ANXA2: variants seen among roughly 807,000 people sequenced by gnomAD.
ANXA2 encodes annexin II.
Under a neutral mutation model 47.3 loss-of-function variants are expected in ANXA2, and 28 were observed. The ratio of observed to expected loss-of-function variants is 0.59; its 90% confidence interval spans 0.44 to 0.81. The LOEUF (loss-of-function observed/expected upper bound fraction) is 0.81. Ranked by LOEUF, ANXA2 falls within the 40% of genes least tolerant of loss-of-function variation. The pLI is 0.00. For missense variants in ANXA2, 384 were observed against 414.3 expected (o/e 0.93, Z 0.64); for synonymous variants, 172 against 155.5 (o/e 1.11, Z -0.79).
At chr15:60,370,354 T>A (rs1472110907) in intron 3 of ANXA2, among the ~76,000 whole-genome samples, 2 of 152,300 alleles carry the variant, frequency 1.3e-5, no homozygotes, top group East Asian at 1.9e-4. Flanking sequence ...ATGTTTCAAA[T>A]TGAACTGGAA....
At chr15:60,354,236 T>A in intron 7 of ANXA2, 23 bp from the exon 8 acceptor site, 3 of 1,576,464 alleles carry the variant, frequency 1.9e-6, no homozygotes, top group Non-Finnish European at 2.6e-6. Context: ...GAAAAAGAAC[T>A]TCAAATACAT....
At chr15:60,393,596 A>G (rs1197658278) in intron 1 of ANXA2, 36 of 985,278 alleles carry the variant, frequency 3.7e-5, no homozygotes, top group Non-Finnish European at 4.2e-5. Context: ...CACGCTCAGC[A>G]CTTTCTAAGT....
At chr15:60,357,897 CTTA>C (rs1006504479) in intron 5 of ANXA2, among the ~76,000 whole-genome samples, 1 of 151,938 alleles carries the variant, frequency 6.6e-6, no homozygotes, top group Non-Finnish European at 1.5e-5. Flanking sequence ...GTAACTTTTT[CTTA>C]TTATTATTTT....
At chr15:60,364,233 G>A (rs1428921926) in intron 4 of ANXA2, among the ~76,000 whole-genome samples, 196 bp downstream of exon 4, 1 of 152,218 alleles carries the variant, frequency 6.6e-6, no homozygotes, top group Non-Finnish European at 1.5e-5. Context: ...GATGACCTGA[G>A]GTGCACGCGC....
Position 60,387,929 on chromosome 15 carries a change from C to G in ANXA2, c.-11-1843G>C, listed in dbSNP as rs1186398945. Among the ~76,000 whole-genome samples, 13 of 152,160 alleles carry G rather than the reference C, an allele frequency of 8.5e-5. 1 individual carries two copies. Among genetic ancestry groups the G allele is most frequent in the Admixed American group, 8.5e-4 (13 of 15,268 alleles). On this transcript the variant is annotated intron_variant, in intron 1 of 12. Transcript: ENST00000451270. Reference sequence around the variant, plus strand: ...AATCGGCCGGGTGCGGTGGCTCACACCTGTAATCCCAGCACTGTGGGAGGC... The same window carrying G: ...AATCGGCCGGGTGCGGTGGCTCACAGCTGTAATCCCAGCACTGTGGGAGGC...
intron 7 of ANXA2, among the ~76,000 whole-genome samples, chr15:60,354,709 TG>T (rs2062400407): frequency 6.6e-6 from 1 of 150,722 alleles, no homozygotes; most frequent in Admixed American, 6.6e-5. Flanking sequence ...AGCAAGGAAG[TG>T]GGGGCTGTGC....
At chr15:60,354,706 A>T (rs1199243998) in intron 7 of ANXA2, among the ~76,000 whole-genome samples, 2 of 152,002 alleles carry the variant, frequency 1.3e-5, no homozygotes, top group Non-Finnish European at 2.9e-5. Flanking sequence ...TTGAGCAAGG[A>T]AGTGGGGGCT....
At chr15:60,351,686 G>T (rs761751271) in intron 10 of ANXA2, 38 bp downstream of exon 10, 2 of 1,351,012 alleles carry the variant, frequency 1.5e-6, no homozygotes, top group South Asian at 2.3e-5. Context: ...TGCTCTGGTA[G>T]CTGATGTCTA....
At chr15:60,366,509 G>C (rs1021443629) in intron 3 of ANXA2, among the ~76,000 whole-genome samples, 1 of 151,852 alleles carries the variant, frequency 6.6e-6, no homozygotes, top group South Asian at 2.1e-4. Flanking sequence ...CCCTGTCTGG[G>C]AGATGAGGAG....
rs74386119 is a variant in ANXA2, at chr15:60,349,511, T to A, written c.838-314A>T. 3.1e-4 allele frequency among the ~76,000 whole-genome samples: 47 copies of A among 152,260 alleles called. No individual in the cohort carries two copies. In the East Asian group the frequency reaches 8.5e-3, roughly 28 times the overall value. On this transcript the variant is annotated intron_variant, in intron 11 of 12. Transcript: ENST00000451270. ...TCCCTAAAATATTTCATCATATATA[T>A]GCAAATATTACAAAATCAAAAATAA...
intron 11 of ANXA2, 104 bp from the exon 12 acceptor site, chr15:60,349,301 G>A: frequency 7.2e-7 from 1 of 1,388,902 alleles, no homozygotes. Context: ...AATCTAAAAT[G>A]CTCCAAAATC....
chr15:60,392,964 TG>T, intron 1 of ANXA2: 1 of 1,091,400 alleles, frequency 9.2e-7, no homozygotes, highest in Non-Finnish European at 1.1e-6. Context: ...AAAAAAAAAA[TG>T]TACTGGGTGA....
At chr15:60,354,650 AG>A (rs1330710204) in intron 7 of ANXA2, among the ~76,000 whole-genome samples, 1 of 151,144 alleles carries the variant, frequency 6.6e-6, no homozygotes, top group African/African-American at 2.4e-5. Flanking sequence ...AAGAAAGAAA[AG>A]AAAAAGAAAA....
chr15:60,361,668 T>C (rs994215334), intron 4 of ANXA2, among the ~76,000 whole-genome samples: 3 of 152,152 alleles, frequency 2.0e-5, no homozygotes, highest in Non-Finnish European at 4.4e-5. Context: ...ATGGAAGTGA[T>C]AGGAAACTAA....
At chr15:60,357,342 G>C in intron 5 of ANXA2, 106 bp from the exon 6 acceptor site, 2 of 849,848 alleles carry the variant, frequency 2.4e-6, no homozygotes, top group Non-Finnish European at 3.8e-6. Flanking sequence ...GGGTCTGTTA[G>C]CATCCTGCTT....
intron 3 of ANXA2, among the ~76,000 whole-genome samples, chr15:60,373,322 ACT>A (rs2062735026): frequency 6.6e-6 from 1 of 152,042 alleles, no homozygotes; most frequent in African/African-American, 2.4e-5. Flanking sequence ...GAGCTAGAAG[ACT>A]CTCTTCTGAG....
chr15:60,355,743 A>G (rs2062418951), intron 7 of ANXA2, 176 bp downstream of exon 7: 3 of 688,162 alleles, frequency 4.4e-6, no homozygotes, highest in Non-Finnish European at 8.1e-6. Flanking sequence ...AGGATAAGAA[A>G]TCCTATTATA....
chr15:60,365,749 C>T (rs2062585901), intron 3 of ANXA2, among the ~76,000 whole-genome samples: 1 of 152,068 alleles, frequency 6.6e-6, no homozygotes, highest in African/African-American at 2.4e-5. Context: ...TGCTTGCTAT[C>T]TTAACTGTAG....
chr15:60,385,503 T>G (rs1483051446), intron 2 of ANXA2: 1 of 152,286 alleles, frequency 6.6e-6, no homozygotes, highest in Non-Finnish European at 1.5e-5. Flanking sequence ...GAGGTGGAGG[T>G]TGCAGTGAGC....
Sources: allele counts gnomAD v4.1 joint callset (sites outside exome capture counted in the v4.1 genomes callset), GRCh38; gene constraint gnomAD v4.1.1; transcripts MANE v1.5; gene names NCBI Gene and HGNC (gene_info 2026-07-23, HGNC 2026-07-21).